The following ATP2B3 variants were observed in gnomAD, a reference collection of about 807,000 sequenced individuals.
ATP2B3 encodes the protein plasma membrane calcium-transporting ATPase 3.
Under a neutral mutation model 70.8 loss-of-function variants are expected in ATP2B3, and 12 were observed. That is an observed-to-expected ratio of 0.17 (90% CI 0.11 to 0.27). ATP2B3 has a LOEUF of 0.27. Ranked by LOEUF, ATP2B3 falls within the 10% of genes least tolerant of loss-of-function variation. The pLI is 1.00. For missense variants in ATP2B3, 858 were observed against 1,118.5 expected (o/e 0.77, Z 3.32); for synonymous variants, 460 against 497.8 (o/e 0.92, Z 1.01).
chrX:153,582,569 G>A lies in ATP2B3; in HGVS notation c.*2271G>A, dbSNP rs1557023466. The A allele has an allele frequency of 8.9e-6, 1 of 112,746 alleles. No individual in the cohort carries two copies. 9.3% of individuals were successfully genotyped at this position (112,746 alleles called of 1,213,427 possible). On this transcript the variant is annotated 3_prime_UTR_variant, in exon 22 of 22. Transcript: ENST00000263519. ...CTGCTGCTGTATAAAGTTGCCTAAT[G>A]TAAATGTCTATTGTTTAGTCCCTAG... is the stretch of plus-strand genomic sequence containing the variant.
chrX:153,562,887 C>A (rs1305634031), intron 20 of ATP2B3, among the ~76,000 whole-genome samples: 1 of 112,417 alleles, frequency 8.9e-6, no homozygotes, highest in Non-Finnish European at 1.9e-5. Flanking sequence ...GGGGCCAGTT[C>A]CTGGTGAGGG....
chrX:153,551,119 C>T, intron 12 of ATP2B3, among the ~76,000 whole-genome samples: 1 of 112,340 alleles, frequency 8.9e-6, no homozygotes, highest in African/African-American at 3.2e-5. Context: ...AGAGGAATGG[C>T]TGGGTCGTGG....
chrX:153,567,958 G>A (rs1479385556), intron 21 of ATP2B3, among the ~76,000 whole-genome samples: 10 of 112,092 alleles, frequency 8.9e-5, no homozygotes, highest in Non-Finnish European at 1.7e-4. Flanking sequence ...CTAAAGCTTG[G>A]GAGAAGCCCG....
intron 2 of ATP2B3, among the ~76,000 whole-genome samples, chrX:153,529,741 C>G (rs2090087431): frequency 9.0e-6 from 1 of 111,718 alleles, no homozygotes; most frequent in South Asian, 3.8e-4. Flanking sequence ...CCCATGGCAC[C>G]CACCCTTCCA....
intron 13 of ATP2B3, among the ~76,000 whole-genome samples, chrX:153,555,639 C>T (rs1490444403): frequency 2.7e-5 from 3 of 112,315 alleles, no homozygotes; most frequent in Non-Finnish European, 5.6e-5. Context: ...CGCTCTCAAC[C>T]CCTTGCAGGC....
At chrX:153,535,255 G>T (rs1281499489) in intron 2 of ATP2B3, among the ~76,000 whole-genome samples, 4 of 112,545 alleles carry the variant, frequency 3.6e-5, no homozygotes, top group African/African-American at 1.3e-4. Flanking sequence ...CCAGGGCCGT[G>T]GCCTGGATGC....
chrX:153,548,981 C>G (rs782324591), intron 10 of ATP2B3, 127 bp downstream of exon 10: 18 of 657,910 alleles, frequency 2.7e-5, no homozygotes, highest in Non-Finnish European at 3.6e-5. Context: ...GAGGAGGTGC[C>G]GAGCAGGGAC....
intron 21 of ATP2B3, among the ~76,000 whole-genome samples, chrX:153,574,454 G>A (rs782324557): frequency 9.0e-6 from 1 of 111,674 alleles, no homozygotes; most frequent in Admixed American, 9.5e-5. Flanking sequence ...AAGCATCCGA[G>A]TTCTGTGAAC....
intron 17 of ATP2B3, among the ~76,000 whole-genome samples, chrX:153,558,767 A>G (rs1463845832): frequency 8.9e-6 from 1 of 112,075 alleles, no homozygotes; most frequent in Non-Finnish European, 1.9e-5. Flanking sequence ...CTGCCTTTTC[A>G]TGGCCTCATA....
intron 2 of ATP2B3, among the ~76,000 whole-genome samples, chrX:153,528,333 T>C (rs1401606428): frequency 8.9e-6 from 1 of 112,124 alleles, no homozygotes; most frequent in East Asian, 2.8e-4. Flanking sequence ...ATGTGCTCTT[T>C]GGTGGGGAGG....
At chrX:153,534,984 G>T (rs924624430) in intron 2 of ATP2B3, among the ~76,000 whole-genome samples, 7 of 112,662 alleles carry the variant, frequency 6.2e-5, no homozygotes, top group African/African-American at 2.3e-4. Context: ...AGAGACGGGG[G>T]TTCAGGGCCC....
Position 153,541,392 on chromosome X carries a change from G to A in ATP2B3, c.242G>A (p.Arg81His). ...LADNTNDLEK[R>H]RQIYGQNFIP... is the part of the protein sequence containing the mutation. ...GACAACACCAATGACCTGGAGAAGC[G>A]CAGGCAGATCTACGGGCAGAACTTC... The change falls in exon 4 of 22, where the codon CGC becomes CAC. Residue 81 changes from arginine (R) to histidine (H), a missense_variant. By Grantham distance (29) the Arg-to-His change is conservative. Coordinates refer to ENST00000263519, the MANE Select transcript of ATP2B3 (RefSeq NM_001001344.3). 8.3e-7 allele frequency: 1 copy of A among 1,211,998 alleles called. No homozygotes were observed.
intron 5 of ATP2B3, 84 bp downstream of exon 5, chrX:153,542,010 A>C (rs1557006800): frequency 1.4e-5 from 15 of 1,100,303 alleles, no homozygotes; most frequent in Non-Finnish European, 1.3e-5. Flanking sequence ...GACCCCCAGC[A>C]CAGGTTCTCC....
intron 7 of ATP2B3, among the ~76,000 whole-genome samples, chrX:153,544,798 C>G (rs1381885612): frequency 6.2e-5 from 7 of 112,537 alleles, no homozygotes; most frequent in African/African-American, 2.3e-4. Flanking sequence ...ACTCCTGTCT[C>G]TTCTGGCGGG....
chrX:153,541,967 G>C (rs762733), intron 5 of ATP2B3, 41 bp downstream of exon 5: 99 of 1,198,477 alleles, frequency 8.3e-5, no homozygotes, highest in Non-Finnish European at 1.1e-4. Flanking sequence ...AAGGAAGCTC[G>C]GCTCCTGCTT....
intron 12 of ATP2B3, 104 bp from the exon 13 acceptor site, chrX:153,552,931 T>G: frequency 1.5e-6 from 1 of 661,909 alleles, no homozygotes; most frequent in Non-Finnish European, 2.3e-6. Flanking sequence ...TCCTCTCTGA[T>G]AAGGACCCCA....
chrX:153,535,827 A>C (rs1183919114), intron 2 of ATP2B3, among the ~76,000 whole-genome samples: 1 of 112,285 alleles, frequency 8.9e-6, no homozygotes, highest in Non-Finnish European at 1.9e-5. Flanking sequence ...CTCTGCCTCC[A>C]GCTAGCTAGT....
intron 20 of ATP2B3, among the ~76,000 whole-genome samples, chrX:153,562,778 G>T (rs1056580500): frequency 8.9e-6 from 1 of 112,219 alleles, no homozygotes; most frequent in Non-Finnish European, 1.9e-5. Context: ...CATCAGCTCC[G>T]ACTGCCATAG....
At chrX:153,530,312 ACT>A (rs782479302) in intron 2 of ATP2B3, among the ~76,000 whole-genome samples, 4 of 111,424 alleles carry the variant, frequency 3.6e-5, no homozygotes, top group Non-Finnish European at 7.6e-5. Context: ...TGGACCCAAG[ACT>A]CTGTATTCGT....
Sources: gnomAD v4.1 joint callset for allele counts (sites outside exome capture counted in the v4.1 genomes callset) on GRCh38, gnomAD v4.1.1 for gene constraint, MANE v1.5 for transcripts, NCBI Gene and HGNC (gene_info 2026-07-23, HGNC 2026-07-21) for gene names.